Variants in CEMIP2 observed in about 807,000 individuals in gnomAD.
CEMIP2 encodes the protein cell surface hyaluronidase CEMIP2.
In CEMIP2, 79 loss-of-function variants were observed where a neutral mutation model predicts 146.9. The observed-to-expected ratio is 0.54, with a 90% CI of 0.45 to 0.65. The LOEUF is 0.65. CEMIP2 is among the 30% of genes least tolerant of loss of function. The pLI is 0.00. For synonymous variants in CEMIP2, 601 were observed against 606.3 expected (o/e 0.99, Z 0.13); for missense variants, 1,596 against 1,696.2 (o/e 0.94, Z 1.04).
At chr9:71,723,488 T>C (rs12002258) in intron 11 of CEMIP2, among the ~76,000 whole-genome samples, 5,385 of 152,210 alleles carry the variant, frequency 0.035, 326 homozygotes, top group African/African-American at 0.12. Flanking sequence ...CTAAGTAGAA[T>C]TGATATCATT....
chr9:71,721,472 A>G (rs1823229653), intron 12 of CEMIP2, among the ~76,000 whole-genome samples: 1 of 152,244 alleles, frequency 6.6e-6, no homozygotes, highest in Admixed American at 6.5e-5. Flanking sequence ...CATTGCATCA[A>G]CATATTTCAG....
intron 10 of CEMIP2, among the ~76,000 whole-genome samples, chr9:71,727,746 C>T (rs62547017): frequency 0.07 from 10,704 of 152,236 alleles, 544 homozygotes; most frequent in South Asian, 0.19. Flanking sequence ...GTTACAATCT[C>T]GATAGCATAC....
intron 6 of CEMIP2, among the ~76,000 whole-genome samples, chr9:71,734,297 C>T (rs1237420180): frequency 1.3e-5 from 2 of 151,398 alleles, no homozygotes; most frequent in African/African-American, 4.8e-5. Flanking sequence ...ATAAATGGAT[C>T]TAATTCATCA....
At chr9:71,695,872 T>A (rs955837063) in intron 20 of CEMIP2, among the ~76,000 whole-genome samples, 2 of 151,998 alleles carry the variant, frequency 1.3e-5, no homozygotes, top group Non-Finnish European at 2.9e-5. Context: ...TCCCAACAAT[T>A]TGGGAGGCCA....
At chr9:71,729,293 C>T (rs1419241539) in intron 10 of CEMIP2, among the ~76,000 whole-genome samples, 3 of 152,034 alleles carry the variant, frequency 2.0e-5, no homozygotes, top group African/African-American at 7.2e-5. Flanking sequence ...TTCTTTTCCC[C>T]CTTTGGCATC....
Position 71,732,387 on chromosome 9 carries a change from T to A in CEMIP2, c.1527A>T (p.Gln509His). The A allele has an allele frequency of 1.2e-6, 2 of 1,612,866 alleles. No individual in the cohort carries two copies. Among genetic ancestry groups the A allele is most frequent in the Non-Finnish European group, 1.7e-6 (2 of 1,179,756 alleles). ...EDSCYAENQC[Q>H]FFDYDTFGGH... ...CCCCAAAGGTATCATAATCAAAAAA[T>A]TGGCACTGATTTTCTGCGTAGCATG... Residue 509 changes from glutamine to histidine, a missense_variant, in exon 7 of 24, where the codon CAA becomes CAT. Physicochemically the swap from Gln to His is conservative, Grantham distance 24 (BLOSUM62 0). Coordinates refer to ENST00000377044, the MANE Select transcript of CEMIP2 (RefSeq NM_013390.3).
chr9:71,713,272 G>A (rs12378942), intron 15 of CEMIP2, among the ~76,000 whole-genome samples: 68,464 of 151,800 alleles, frequency 0.45, 18,294 homozygotes, highest in Non-Finnish European at 0.6. Flanking sequence ...GATATCCGAT[G>A]GTTTTAAAAA....
At chr9:71,742,758 A>T (rs1475625121) in intron 4 of CEMIP2, among the ~76,000 whole-genome samples, 1 of 152,092 alleles carries the variant, frequency 6.6e-6, no homozygotes, top group African/African-American at 2.4e-5. Context: ...TCATGCTTCC[A>T]CTCCTAGGTT....
intron 15 of CEMIP2, among the ~76,000 whole-genome samples, chr9:71,712,918 C>G (rs1414282292): frequency 6.6e-6 from 1 of 152,126 alleles, no homozygotes; most frequent in Admixed American, 6.5e-5. Context: ...TTAAGTTCCT[C>G]TCCTATTAAT....
chr9:71,732,821 C>T (rs1823660303), intron 6 of CEMIP2, among the ~76,000 whole-genome samples: 1 of 150,180 alleles, frequency 6.7e-6, no homozygotes, highest in Admixed American at 6.7e-5. Context: ...ATTCTCCTGC[C>T]TCAGCCTCCC....
intron 14 of CEMIP2, 66 bp from the exon 15 acceptor site, chr9:71,715,155 G>A: frequency 6.4e-7 from 1 of 1,552,240 alleles, no homozygotes; most frequent in Non-Finnish European, 8.7e-7. Flanking sequence ...CCCAAATGTA[G>A]GCATGCTATA....
chr9:71,725,791 C>G (rs1171540663), intron 10 of CEMIP2, 82 bp from the exon 11 acceptor site: 2 of 1,445,808 alleles, frequency 1.4e-6, no homozygotes, highest in South Asian at 2.9e-5. Flanking sequence ...ACTTCTTCAT[C>G]AGCAAGTTTA....
intron 15 of CEMIP2, among the ~76,000 whole-genome samples, chr9:71,713,457 G>A (rs916924179): frequency 6.6e-6 from 1 of 152,016 alleles, no homozygotes; most frequent in African/African-American, 2.4e-5. Flanking sequence ...CCCAGTCTCA[G>A]GTATGTCTTT....
chr9:71,722,557 A>G (rs1589145241), intron 11 of CEMIP2, 42 bp from the exon 12 acceptor site: 1 of 1,416,564 alleles, frequency 7.1e-7, no homozygotes, highest in Non-Finnish European at 9.9e-7. Flanking sequence ...TATGAATCCC[A>G]ACTTACAACA....
intron 10 of CEMIP2, among the ~76,000 whole-genome samples, chr9:71,729,546 G>A (rs183522184): frequency 1.3e-5 from 2 of 151,944 alleles, no homozygotes; most frequent in Non-Finnish European, 2.9e-5. Context: ...GTGAACCCGG[G>A]GGGTGGAGCT....
At chr9:71,701,370 T>C (rs1822556897) in intron 18 of CEMIP2, among the ~76,000 whole-genome samples, 1 of 152,074 alleles carries the variant, frequency 6.6e-6, no homozygotes, top group Non-Finnish European at 1.5e-5. Context: ...CCTCCCAGAG[T>C]GCTGGGATTA....
chr9:71,751,575 C>G (rs1428010996), intron 1 of CEMIP2, among the ~76,000 whole-genome samples: 1 of 152,194 alleles, frequency 6.6e-6, no homozygotes, highest in Non-Finnish European at 1.5e-5. Flanking sequence ...GCCTAAGAAT[C>G]ATCAGAGAAG....
chr9:71,733,999 C>T (rs1823692549), intron 6 of CEMIP2, among the ~76,000 whole-genome samples: 1 of 152,048 alleles, frequency 6.6e-6, no homozygotes, highest in Non-Finnish European at 1.5e-5. Context: ...CTTGTGCCAC[C>T]ATGCCTGGCT....
chr9:71,738,818 C>T (rs2131988257), intron 5 of CEMIP2, among the ~76,000 whole-genome samples: 1 of 151,646 alleles, frequency 6.6e-6, no homozygotes, highest in Non-Finnish European at 1.5e-5. Flanking sequence ...GCCTGGGCAA[C>T]AGAGTGAGAC....
Sources: gnomAD v4.1 joint callset for allele counts (sites outside exome capture counted in the v4.1 genomes callset) on GRCh38, gnomAD v4.1.1 for gene constraint, MANE v1.5 for transcripts, NCBI Gene and HGNC (gene_info 2026-07-23, HGNC 2026-07-21) for gene names.